Variants in ECEL1 observed in about 807,000 individuals in gnomAD.
ECEL1 encodes endothelin-converting enzyme-like 1.
Under a neutral mutation model 101.8 loss-of-function variants are expected in ECEL1, and 87 were observed. The observed-to-expected ratio is 0.85, with a 90% confidence interval of 0.72 to 1.02. ECEL1 has a LOEUF of 1.02. ECEL1 is among the 50% of genes least tolerant of loss of function. The probability of loss-of-function intolerance (pLI) is 0.00; values close to 1 mark genes in which losing one functional copy is unlikely to be tolerated. For synonymous variants in ECEL1, 487 were observed against 468.7 expected (o/e 1.04, Z -0.50); for missense variants, 1,032 against 1,079.2 (o/e 0.96, Z 0.61).
In ECEL1 at chr2:232,485,852, CA is replaced by C; in HGVS notation, c.786+15del. ...GATCCGCGGCCGCTGGCAGGGCGCTCAGGGGGCGCACTCACGCGGATGACGT... is the reference window on the plus strand; with the variant it reads ...GATCCGCGGCCGCTGGCAGGGCGCTCGGGGGCGCACTCACGCGGATGACGT... On this transcript the variant is annotated intron_variant, in intron 2 of 17. Coordinates refer to ENST00000304546, the MANE Select transcript of ECEL1 (RefSeq NM_004826.4). The C allele has an allele frequency of 1.3e-6, 2 of 1,543,496 alleles. No homozygotes were observed. Among genetic ancestry groups the C allele is most frequent in the Non-Finnish European group, 1.7e-6 (2 of 1,149,010 alleles).
At position 232,484,665 on chromosome 2, in the gene ECEL1, G is replaced by A. The variant is rs532279889; in HGVS notation, c.1060-69C>T. On this transcript the variant is annotated intron_variant, in intron 5 of 17. Coordinates refer to ENST00000304546, the MANE Select transcript of ECEL1 (RefSeq NM_004826.4). ...GGCCACAGAAGACAGGGAGGGGGCA[G>A]AGAGAGGCAGCGAGGGGACATGAGA... is the stretch of plus-strand genomic sequence containing the variant. 296 of 1,605,782 alleles carry A rather than the reference G, an allele frequency of 1.8e-4. No homozygotes were observed. In the South Asian group the frequency reaches 2.9e-3, roughly 16 times the overall value.
At position 232,484,575 on chromosome 2, in the gene ECEL1, C is replaced by G. The variant is rs757774023; in HGVS notation, c.1081G>C (p.Asp361His). The part of the protein sequence containing the change: ...TPHLRWKWLL[D>H]QIFQEDFSEE... ...GAGAAGTCCTCCTGGAAGATCTGGT[C>G]TAGCAGCCACTTCCACCGCAACTGT... The change falls in exon 6 of 18, where the codon GAC becomes CAC. Residue 361 changes from aspartate to histidine, a missense_variant. By Grantham distance (81) the Asp-to-His change is moderately conservative. Transcript: ENST00000304546. The G allele has an allele frequency of 8.7e-6, 14 of 1,613,718 alleles. No individual in the cohort carries two copies. The highest frequency in any genetic ancestry group is 1.7e-5 in the Admixed American group (1 of 59,996).
chr2:232,480,785 C>T lies in ECEL1; in HGVS notation c.2084G>A (p.Gly695Asp), dbSNP rs749575815. 164 of 1,613,882 alleles carry T rather than the reference C, an allele frequency of 1.0e-4. No homozygotes were observed. Among genetic ancestry groups the T allele is most frequent in the Non-Finnish European group, 1.3e-4 (158 of 1,179,986 alleles). Residue 695 changes from glycine to aspartate, a missense_variant, in exon 16 of 18, where the codon GGC becomes GAC. Transcript: ENST00000304546. ...GAGCCGGGGAAGTGGGTGCTCTGGG[C>T]CGTGCTCCCGCACCCACTTCTGATA... ...HAYQKWVREH[G>D]PEHPLPRLKY...
In ECEL1 at chr2:232,485,017, G is replaced by A. The variant is rs1286878183; in HGVS notation, c.930C>T (p.Ala310=). ...GCTGCTCCACTTGCAGGATCTCTTG[G>A]GCCTTCTGTTCCACAGCGTCTGCAC... The part of the protein sequence containing the change: ...LLGADAVEQK[A]QEILQVEQQL... Residue 310 remains alanine, a synonymous_variant, in exon 4 of 18, where the codon GCC becomes GCT. Coordinates refer to ENST00000304546, the MANE Select transcript of ECEL1 (RefSeq NM_004826.4). The A allele has an allele frequency of 8.7e-6, 14 of 1,612,998 alleles. No homozygotes were observed. Among genetic ancestry groups the A allele is most frequent in the Non-Finnish European group, 1.2e-5 (14 of 1,180,010 alleles).
In ECEL1 at chr2:232,486,149, C is replaced by A. The variant is rs772865131; in HGVS notation, c.505G>T (p.Gly169Trp). The A allele has an allele frequency of 7.0e-6, 11 of 1,566,272 alleles. No homozygotes were observed. The highest frequency in any genetic ancestry group is 9.5e-6 in the Non-Finnish European group (11 of 1,161,090). ...TGGGCCGCGCCGCCAGGCCCACCCC[C>A]GGGCCGCGCCAGCAGGCGCCGTAGG... ...ERLRRLLARP[G>W]GGPGGAAQRK... Residue 169 changes from glycine (G) to tryptophan (W), a missense_variant, in exon 2 of 18, where the codon GGG becomes TGG. Coordinates refer to ENST00000304546, the MANE Select transcript of ECEL1 (RefSeq NM_004826.4).
In ECEL1 at chr2:232,484,852, G is replaced by A; in HGVS notation, c.1008C>T (p.Ser336=). The stretch of plus-strand genomic sequence containing the variant: ...CCAGCGTCACCTTGTTGTACATGGA[G>A]CTGACATCTCGCCGTAGGTCGTCAT... ...SEHDDLRRDV[S]SMYNKVTLGQ... Residue 336 remains serine (S), a synonymous_variant, in exon 5 of 18, where the codon AGC becomes AGT. Coordinates refer to ENST00000304546, the MANE Select transcript of ECEL1 (RefSeq NM_004826.4). 1 of 1,613,960 alleles carries A rather than the reference G, an allele frequency of 6.2e-7. No homozygotes were observed. The highest frequency in any genetic ancestry group is 8.5e-7 in the Non-Finnish European group (1 of 1,179,988).
intron 9 of ECEL1, 60 bp downstream of exon 9, chr2:232,483,045 T>C (rs757484998): frequency 1.9e-6 from 3 of 1,612,124 alleles, no homozygotes; most frequent in Non-Finnish European, 2.5e-6. Flanking sequence ...CCACCTGCCC[T>C]CCTGAGTGCC....
In ECEL1 at chr2:232,484,209, T is replaced by A; in HGVS notation, c.1199A>T (p.Tyr400Phe). The change falls in exon 7 of 18, where the codon TAC becomes TTC. Residue 400 changes from tyrosine (Y) to phenylalanine (F), a missense_variant. Transcript: ENST00000304546. Reference sequence around the variant, plus strand: ...GACCACCACCACGCGCCACACCAGGTAGTTGTGCAGGACCCTGGGGACCAG... The same window carrying A: ...GACCACCACCACGCGCCACACCAGGAAGTTGTGCAGGACCCTGGGGACCAG... The part of the protein sequence containing the change: ...RSTPHRVLHN[Y>F]LVWRVVVVLS... 1.9e-6 allele frequency: 3 copies of A among 1,611,840 alleles called. No individual in the cohort carries two copies. The highest frequency in any genetic ancestry group is 2.5e-6 in the Non-Finnish European group (3 of 1,179,492).
chr2:232,484,192 C>A lies in ECEL1; in HGVS notation c.1216G>T (p.Val406Leu). ...VLHNYLVWRV[V>L]VVLSEHLSPP... ...GACAGGTGTTCACTCAGGACCACCA[C>A]CACGCGCCACACCAGGTAGTTGTGC... The change falls in exon 7 of 18, where the codon GTG (valine) becomes TTG (leucine). Residue 406 changes from valine to leucine, a missense_variant. Transcript: ENST00000304546. 6.2e-7 allele frequency: 1 copy of A among 1,612,940 alleles called. No homozygotes were observed. Among genetic ancestry groups the A allele is most frequent in the South Asian group, 1.1e-5 (1 of 91,044 alleles).
In ECEL1 at chr2:232,480,696, T is replaced by G. The variant is rs374233926; in HGVS notation, c.2151+22A>C. 20 of 1,612,526 alleles carry G rather than the reference T, an allele frequency of 1.2e-5. No homozygotes were observed. In the African/African-American group the frequency reaches 2.7e-4, roughly 22 times the overall value. On this transcript the variant is annotated intron_variant, in intron 16 of 17. Transcript: ENST00000304546. ...CGTGTCCCCACCCCAAGGCTCCCAG[T>G]CCAATCCCCCACCCAGCCCACCTGG...
At position 232,483,502 on chromosome 2, in the gene ECEL1, C is replaced by T. The variant is rs770364709; in HGVS notation, c.1420G>A (p.Val474Met). The part of the protein sequence containing the change: ...AASKAKVQQL[V>M]EDIKYILGQR... The stretch of plus-strand genomic sequence containing the variant: ...CCCAGGATGTACTTGATGTCTTCCA[C>T]TAGCTGCTGCACCTGCAGGGTCAGG... The change falls in exon 8 of 18, where the codon GTG becomes ATG. Residue 474 changes from valine to methionine, a missense_variant. By Grantham distance (21) the Val-to-Met change is conservative. Coordinates refer to ENST00000304546, the MANE Select transcript of ECEL1 (RefSeq NM_004826.4). The T allele has an allele frequency of 6.2e-7, 1 of 1,609,610 alleles. No individual in the cohort carries two copies. Among genetic ancestry groups the T allele is most frequent in the Non-Finnish European group, 8.5e-7 (1 of 1,178,712 alleles).
intron 12 of ECEL1, 69 bp from the exon 13 acceptor site, chr2:232,481,918 C>G: frequency 6.3e-7 from 1 of 1,596,474 alleles, no homozygotes; most frequent in Admixed American, 1.7e-5. Context: ...GCTGCCCAGG[C>G]CCCAGATGTC....
chr2:232,484,421 G>A, intron 6 of ECEL1, 51 bp downstream of exon 6: 1 of 1,606,466 alleles, frequency 6.2e-7, no homozygotes, highest in Non-Finnish European at 8.5e-7. Context: ...CAGGGTGCAG[G>A]GGAAGGACCT....
In ECEL1 at chr2:232,485,849, G is replaced by T; in HGVS notation, c.786+19C>A. On this transcript the variant is annotated intron_variant, in intron 2 of 17. Transcript: ENST00000304546. ...CCGGATCCGCGGCCGCTGGCAGGGC[G>T]CTCAGGGGGCGCACTCACGCGGATG... 1 of 1,541,972 alleles carries T rather than the reference G, an allele frequency of 6.5e-7. No homozygotes were observed.
intron 16 of ECEL1, 57 bp downstream of exon 16, chr2:232,480,660 AC>A: frequency 1.9e-6 from 3 of 1,583,662 alleles, no homozygotes; most frequent in Non-Finnish European, 2.6e-6. Flanking sequence ...ACTGGGACTG[AC>A]CCTGGATGCC....
intron 9 of ECEL1, 56 bp from the exon 10 acceptor site, chr2:232,483,010 C>G (rs890986775): frequency 3.5e-5 from 57 of 1,612,372 alleles, no homozygotes; most frequent in Middle Eastern, 3.3e-4. Flanking sequence ...TACCTGCAGA[C>G]TGGGCAACAA....
intron 1 of ECEL1, 39 bp from the exon 2 acceptor site, chr2:232,486,793 G>T: frequency 1.1e-6 from 1 of 930,294 alleles, no homozygotes; most frequent in Non-Finnish European, 1.4e-6. Context: ...AGGCGCCGCA[G>T]CCGGATGGGG....
At position 232,486,810 on chromosome 2, in the gene ECEL1, G is replaced by A. The variant is rs1690742283; in HGVS notation, c.-101-56C>T. On this transcript the variant is annotated intron_variant, in intron 1 of 17. Transcript: ENST00000304546. ...GCGCCGCAGCCGGATGGGGCTCAGG[G>A]TCACCGCGAGGAGGGACACAGGCCT... 2.7e-5 allele frequency: 21 copies of A among 769,550 alleles called. No homozygotes were observed. In the South Asian group the frequency reaches 7.1e-4, roughly 26 times the overall value. 47.7% of individuals were successfully genotyped at this position (769,550 alleles called of 1,614,324 possible).
At chr2:232,483,000 T>C in intron 9 of ECEL1, 46 bp from the exon 10 acceptor site, 2 of 1,611,922 alleles carry the variant, frequency 1.2e-6, no homozygotes, top group African/African-American at 1.3e-5. Context: ...AGGGCAGGGC[T>C]ACCTGCAGAC....
Sources: allele counts gnomAD v4.1 joint callset, GRCh38; gene constraint gnomAD v4.1.1; transcripts MANE v1.5; gene names NCBI Gene and HGNC (gene_info 2026-07-23, HGNC 2026-07-21).